Variants in TRPM1 observed in about 807,000 individuals in gnomAD.
TRPM1 encodes TRPM1-203 APA Isoform, Intron 10.
TRPM1 carries 113 observed loss-of-function variants against 149.4 expected under a neutral mutation model. That is an observed-to-expected ratio of 0.76 (90% CI 0.65 to 0.88). The LOEUF (loss-of-function observed/expected upper bound fraction) is 0.88. Among genes scored for constraint, TRPM1 ranks in the 40% least tolerant of loss-of-function variants. The pLI is 0.00. For missense variants in TRPM1, 1,976 were observed against 2,038.7 expected, an observed-to-expected ratio of 0.97 and a Z score of 0.59; for synonymous variants, 741 against 759.5, an observed-to-expected ratio of 0.98 and a Z score of 0.40.
intron 27 of TRPM1, among the ~76,000 whole-genome samples, chr15:31,003,933 TAC>T (rs2031885767): frequency 6.6e-6 from 1 of 152,008 alleles, no homozygotes; most frequent in Non-Finnish European, 1.5e-5. Flanking sequence ...AATCCACTGG[TAC>T]AGACTTTGTT....
intron 1 of TRPM1, among the ~76,000 whole-genome samples, chr15:31,119,447 T>A (rs979370476): frequency 2.0e-5 from 3 of 152,052 alleles, no homozygotes; most frequent in African/African-American, 7.2e-5. Flanking sequence ...TAAAGATATT[T>A]TCAGACAAAC....
chr15:31,126,342 C>A (rs2035951097), intron 1 of TRPM1, among the ~76,000 whole-genome samples: 1 of 152,134 alleles, frequency 6.6e-6, no homozygotes, highest in Non-Finnish European at 1.5e-5. Flanking sequence ...AGACTGCATC[C>A]AACAACTGCA....
chr15:31,098,042 CTTAT>C (rs1000045585), intron 1 of TRPM1, among the ~76,000 whole-genome samples: 1 of 152,164 alleles, frequency 6.6e-6, no homozygotes, highest in African/African-American at 2.4e-5. Context: ...GTTAATTTCA[CTTAT>C]TTGTTTTTAC....
At chr15:31,029,573 G>C (rs572266668) in intron 23 of TRPM1, among the ~76,000 whole-genome samples, 182 bp from the exon 24 acceptor site, 1 of 152,294 alleles carries the variant, frequency 6.6e-6, no homozygotes, top group Admixed American at 6.5e-5. Context: ...TAGAAACAGT[G>C]ATCTGTTTAG....
At chr15:31,113,624 T>C (rs1255256269) in intron 1 of TRPM1, among the ~76,000 whole-genome samples, 1 of 152,200 alleles carries the variant, frequency 6.6e-6, no homozygotes, top group African/African-American at 2.4e-5. Flanking sequence ...GTCATAGCAC[T>C]TTACTGTACA....
intron 1 of TRPM1, among the ~76,000 whole-genome samples, chr15:31,132,446 T>A (rs1253298187): frequency 6.6e-6 from 1 of 152,238 alleles, no homozygotes; most frequent in Non-Finnish European, 1.5e-5. Flanking sequence ...GAGTAGCCAC[T>A]GGCTACCCAG....
chr15:31,062,578 C>G lies in TRPM1; in HGVS notation c.1089+1G>C. The G allele has an allele frequency of 6.2e-7, 1 of 1,614,076 alleles. No homozygotes were observed. Among genetic ancestry groups the G allele is most frequent in the Non-Finnish European group, 8.5e-7 (1 of 1,180,008 alleles). On this transcript the variant is annotated splice_donor_variant, in intron 9 of 27. Coordinates refer to ENST00000256552, the MANE Select transcript of TRPM1 (RefSeq NM_001252024.2). LOFTEE classifies it high-confidence loss of function. ...TTTGGAAATAAATTCAAGACACTTACGAGTTCTTTCTTCTTCATGCACTCC... is the reference window on the plus strand; with the variant it reads ...TTTGGAAATAAATTCAAGACACTTAGGAGTTCTTTCTTCTTCATGCACTCC...
At chr15:31,089,243 C>T (rs1223488851) in intron 1 of TRPM1, among the ~76,000 whole-genome samples, 1 of 152,156 alleles carries the variant, frequency 6.6e-6, no homozygotes, top group African/African-American at 2.4e-5. Context: ...GCGTGTCCCC[C>T]ACTGGGTGGG....
At chr15:31,065,260 C>A in intron 7 of TRPM1, 1 of 403,152 alleles carries the variant, frequency 2.5e-6, no homozygotes. Context: ...ACAACTTTTC[C>A]TAGTAGGCCA....
rs775229455 is a variant in TRPM1, at chr15:31,032,664, A to T, written c.2952+25T>A. The T allele has an allele frequency of 1.9e-6, 3 of 1,614,078 alleles. No individual in the cohort carries two copies. The African/African-American group carries it at 4.0e-5, about 22-fold the overall frequency. On this transcript the variant is annotated intron_variant, in intron 22 of 27. Coordinates refer to ENST00000256552, the MANE Select transcript of TRPM1 (RefSeq NM_001252024.2). ...CTAACTACAGCCAAAGTCTCTCTGG[A>T]TACCCACAGGATGCCACTACTAACC...
chr15:31,113,033 T>A (rs916001012), intron 1 of TRPM1, among the ~76,000 whole-genome samples: 2 of 152,220 alleles, frequency 1.3e-5, no homozygotes, highest in Admixed American at 1.3e-4. Flanking sequence ...TGGAGCAATC[T>A]GCTTCCTGAA....
intron 21 of TRPM1, 164 bp from the exon 22 acceptor site, chr15:31,033,104 A>T: frequency 1.1e-6 from 1 of 945,992 alleles, no homozygotes; most frequent in South Asian, 1.4e-5. Flanking sequence ...GATATCTAGA[A>T]AGGGAAATTC....
At chr15:31,090,011 A>G (rs1046998626) in intron 1 of TRPM1, among the ~76,000 whole-genome samples, 2 of 152,184 alleles carry the variant, frequency 1.3e-5, no homozygotes, top group Non-Finnish European at 2.9e-5. Flanking sequence ...AAAACCCTAA[A>G]CTAGTATGTG....
chr15:31,119,401 A>G (rs2035846828), intron 1 of TRPM1, among the ~76,000 whole-genome samples: 1 of 152,180 alleles, frequency 6.6e-6, no homozygotes, highest in South Asian at 2.1e-4. Flanking sequence ...TAGATTCTGT[A>G]TCCAGAGAAA....
chr15:31,127,103 A>G (rs978469925), intron 1 of TRPM1, among the ~76,000 whole-genome samples: 2 of 152,236 alleles, frequency 1.3e-5, no homozygotes, highest in Non-Finnish European at 2.9e-5. Context: ...AATTTACCCC[A>G]TGAAGCTGGT....
chr15:31,027,883 G>A (rs2032859420), intron 25 of TRPM1, among the ~76,000 whole-genome samples: 1 of 152,028 alleles, frequency 6.6e-6, no homozygotes, highest in Admixed American at 6.6e-5. Flanking sequence ...AACCCTTTAA[G>A]CCATTTTTTT....
At chr15:31,049,652 G>C (rs529894049) in intron 12 of TRPM1, 143 bp from the exon 13 acceptor site, 2 of 903,798 alleles carry the variant, frequency 2.2e-6, no homozygotes, top group Non-Finnish European at 3.6e-6. Flanking sequence ...CTTTATCTTG[G>C]GTAAACACTC....
At chr15:31,150,548 G>A (rs1030223610) in intron 1 of TRPM1, among the ~76,000 whole-genome samples, 3 of 149,150 alleles carry the variant, frequency 2.0e-5, no homozygotes, top group South Asian at 4.2e-4. Context: ...GTGATTCTTC[G>A]GCTTCAGCCT....
intron 10 of TRPM1, 25 bp downstream of exon 10, chr15:31,061,417 G>A (rs749514616): frequency 2.5e-6 from 4 of 1,610,538 alleles, no homozygotes; most frequent in Non-Finnish European, 3.4e-6. Flanking sequence ...AGAGGGACAG[G>A]AGTCACCATT....
Sources: allele counts gnomAD v4.1 joint callset (sites outside exome capture counted in the v4.1 genomes callset), GRCh38; gene constraint gnomAD v4.1.1; transcripts MANE v1.5; gene names NCBI Gene and HGNC (gene_info 2026-07-23, HGNC 2026-07-21).